Variants in HKDC1 observed in about 807,000 individuals in gnomAD.
HKDC1 encodes the protein hexokinase HKDC1.
A neutral mutation model predicts 96.6 loss-of-function variants in HKDC1; 66 were observed. The ratio of observed to expected loss-of-function variants is 0.68; its 90% CI spans 0.56 to 0.84. The LOEUF (loss-of-function observed/expected upper bound fraction) is 0.84, where lower values mean the gene tolerates loss of function less well. HKDC1 is among the 40% of genes least tolerant of loss of function. The pLI is 0.00. For synonymous variants in HKDC1, 466 were observed against 473.1 expected (o/e 0.98, Z 0.20); for missense variants, 1,211 against 1,208.1 (o/e 1.00, Z -0.04).
At chr10:69,254,389 T>A (rs552786583) in intron 12 of HKDC1, among the ~76,000 whole-genome samples, 1 of 152,352 alleles carries the variant, frequency 6.6e-6, no homozygotes, top group Admixed American at 6.5e-5. Context: ...GACTATTTTT[T>A]AAATGCACAC....
intron 12 of HKDC1, 140 bp from the exon 13 acceptor site, chr10:69,256,896 T>G: frequency 1.5e-6 from 1 of 666,120 alleles, no homozygotes; most frequent in Non-Finnish European, 2.8e-6. Context: ...AGGGTTAGGG[T>G]TGTGGAGGTG....
At position 69,250,446 on chromosome 10, in the gene HKDC1, G is replaced by A; in HGVS notation, c.1716+11G>A. On this transcript the variant is annotated intron_variant, in intron 11 of 17. Transcript: ENST00000354624. ...GGCACTGGTGAGGAGGTAAGTGCCA[G>A]GCAAGGCCTTTGGGCTCCGAGGTGC... 2 of 1,612,400 alleles carry A rather than the reference G, an allele frequency of 1.2e-6. No individual in the cohort carries two copies. The highest frequency in any genetic ancestry group is 1.7e-6 in the Non-Finnish European group (2 of 1,178,592).
rs140372000 is a variant in HKDC1, at chr10:69,243,241, G to A, written c.751G>A (p.Asp251Asn). ...DMSNIDLVEG[D>N]EGRMCINTEW... is the part of the protein sequence containing the mutation. ...GAGCAACATTGACCTGGTGGAGGGC[G>A]ACGAGGGCAGGATGTGCATCAACAC... The change falls in exon 7 of 18, where the codon GAC becomes AAC. Residue 251 changes from aspartate to asparagine, a missense_variant. Physicochemically the swap from Asp to Asn is conservative, Grantham distance 23. Coordinates refer to ENST00000354624, the MANE Select transcript of HKDC1 (RefSeq NM_025130.4). 3.7e-6 allele frequency: 6 copies of A among 1,614,106 alleles called. No homozygotes were observed. The African/African-American group carries it at 4.0e-5, about 11-fold the overall frequency.
rs1416192032 is a variant in HKDC1 at position 69,227,283 on chromosome 10, T to C, written c.140T>C (p.Met47Thr). The stretch of plus-strand genomic sequence containing the variant: ...ATCATGAGGCGGTTCCGGGCTGAGA[T>C]GGAGAAGGGCCTGGCAAAGGACACC... ...LDIMRRFRAE[M>T]EKGLAKDTNP... Residue 47 changes from methionine (M) to threonine (T), a missense_variant, in exon 2 of 18, where the codon ATG becomes ACG. Met to Thr is a moderately conservative substitution (Grantham distance 81, BLOSUM62 -1). Coordinates refer to ENST00000354624, the MANE Select transcript of HKDC1 (RefSeq NM_025130.4). The C allele has an allele frequency of 1.9e-6, 3 of 1,614,138 alleles. No homozygotes were observed. In the Admixed American group the frequency reaches 5.0e-5, roughly 27 times the overall value.
At chr10:69,257,683 C>T (rs541651772) in intron 14 of HKDC1, among the ~76,000 whole-genome samples, 62 of 145,918 alleles carry the variant, frequency 4.2e-4, no homozygotes, top group South Asian at 2.1e-3. Context: ...GGCCAATTGT[C>T]ATGGGGGGGG....
chr10:69,246,375 G>T (rs5030913), intron 8 of HKDC1, 141 bp downstream of exon 8: 188,166 of 868,302 alleles, frequency 0.22, 23,791 homozygotes, highest in Non-Finnish European at 0.26. Flanking sequence ...CATGGCTTCA[G>T]ATGGGTTAGC....
At chr10:69,228,355 A>G (rs1843195774) in intron 2 of HKDC1, among the ~76,000 whole-genome samples, 1 of 152,204 alleles carries the variant, frequency 6.6e-6, no homozygotes, top group Non-Finnish European at 1.5e-5. Context: ...CTTCAAGGTC[A>G]GCTGATGAGC....
In HKDC1 at chr10:69,266,879, AGAACCC is replaced by A. The variant is rs1413002620; in HGVS notation, c.*123_*128del. On this transcript the variant is annotated 3_prime_UTR_variant, in exon 18 of 18. Transcript: ENST00000354624. ...ACCTCACCTTCTGGATGGCCGAAAG[AGAACCC>A]CAGGTTCTCGGGTACTCTTAGTATC... is the stretch of plus-strand genomic sequence containing the variant. 49 of 942,992 alleles carry A rather than the reference AGAACCC, an allele frequency of 5.2e-5. No homozygotes were observed. Among genetic ancestry groups the A allele is most frequent in the Non-Finnish European group, 6.8e-5 (43 of 627,994 alleles). The allele number at this position is 942,992 out of a possible 1,614,324, so 58.4% of individuals were successfully genotyped here.
At chr10:69,250,142 C>A in intron 10 of HKDC1, 148 bp from the exon 11 acceptor site, 1 of 799,516 alleles carries the variant, frequency 1.3e-6, no homozygotes, top group Non-Finnish European at 1.9e-6. Context: ...GGCCCGGGCA[C>A]TGTGCAGGGT....
chr10:69,250,647 G>C lies in HKDC1; in HGVS notation c.1831G>C (p.Asp611His). 6.2e-7 allele frequency: 1 copy of C among 1,613,598 alleles called. No homozygotes were observed. The highest frequency in any genetic ancestry group is 8.5e-7 in the Non-Finnish European group (1 of 1,179,982). ...ATTTCCCTGCAGGCAGATGAGCATT[G>C]ACAAGGTAAGATAGCCCCACCAGGC... ...FSFPCRQMSI[D>H]KGTLIGWTKG... is the part of the protein sequence containing the mutation. Residue 611 changes from aspartate (D) to histidine (H), a missense_variant, in exon 12 of 18, where the codon GAC becomes CAC. Coordinates refer to ENST00000354624, the MANE Select transcript of HKDC1 (RefSeq NM_025130.4).
intron 4 of HKDC1, 57 bp downstream of exon 4, chr10:69,233,190 G>T: frequency 6.2e-7 from 1 of 1,607,104 alleles, no homozygotes; most frequent in Non-Finnish European, 8.5e-7. Context: ...ATGTGGGCAC[G>T]GGTGGGAGTC....
rs903283016 is a variant in HKDC1 at position 69,238,619 on chromosome 10, A to G, written c.496-423A>G. On this transcript the variant is annotated intron_variant, in intron 4 of 17. Coordinates refer to ENST00000354624, the MANE Select transcript of HKDC1 (RefSeq NM_025130.4). ...TCTCGATCTCCTGACCTCATGATCC[A>G]CCCGCCTCGGCCTCCCAAAGTGCTG... is the stretch of plus-strand genomic sequence containing the variant. Among the ~76,000 whole-genome samples the G allele has an allele frequency of 7.3e-5, 2 of 27,248 alleles. 1 individual carries two copies. Among genetic ancestry groups the G allele is most frequent in the South Asian group, 1.7e-3 (2 of 1,190 alleles). 17.9% of individuals were successfully genotyped at this position (27,248 alleles called of 152,430 possible). A position where few individuals can be genotyped will look rare whatever the true frequency, so the allele number is the denominator to read the frequency against.
intron 12 of HKDC1, among the ~76,000 whole-genome samples, chr10:69,253,875 C>T (rs1262605301): frequency 1.3e-5 from 2 of 152,204 alleles, no homozygotes; most frequent in Non-Finnish European, 2.9e-5. Context: ...TTCTGACAGA[C>T]TCTCATCAGC....
At chr10:69,236,070 C>A (rs924374476) in intron 4 of HKDC1, among the ~76,000 whole-genome samples, 6 of 152,062 alleles carry the variant, frequency 3.9e-5, no homozygotes, top group Admixed American at 2.6e-4. Flanking sequence ...CAGAAAGACA[C>A]CACTTTAGAA....
At chr10:69,259,525 T>G (rs1451187866) in intron 15 of HKDC1, among the ~76,000 whole-genome samples, 1 of 152,180 alleles carries the variant, frequency 6.6e-6, no homozygotes, top group Non-Finnish European at 1.5e-5. Flanking sequence ...TATGATATTA[T>G]GAGAGAAAGG....
chr10:69,255,138 C>A (rs546708663), intron 12 of HKDC1, among the ~76,000 whole-genome samples: 39 of 152,362 alleles, frequency 2.6e-4, no homozygotes, highest in African/African-American at 9.1e-4. Context: ...GGCCTCTCTC[C>A]CAGCAGCTCT....
chr10:69,223,741 C>T (rs959062393), intron 1 of HKDC1, among the ~76,000 whole-genome samples: 4 of 150,562 alleles, frequency 2.7e-5, no homozygotes, highest in East Asian at 2.0e-4. Context: ...CGCACCACCA[C>T]GCCCAGCTAA....
Position 69,247,382 on chromosome 10 carries a change from A to T in HKDC1, c.1054A>T (p.Thr352Ser). The change falls in exon 9 of 18, where the codon ACA becomes TCA. Residue 352 changes from threonine to serine, a missense_variant. By Grantham distance (58) the Thr-to-Ser change is moderately conservative. Transcript: ENST00000354624. Reference sequence around the variant, plus strand: ...CAGGTATAAAGAAGGCCTTGCTAATACAAGAGAGATCCTGGTGGACCTGGG... The same window carrying T: ...CAGGTATAAAGAAGGCCTTGCTAATTCAAGAGAGATCCTGGTGGACCTGGG... Reference protein sequence around the residue: ...MEKYKEGLANTREILVDLGLE... With the variant: ...MEKYKEGLANSREILVDLGLE... 1 of 1,614,024 alleles carries T rather than the reference A, an allele frequency of 6.2e-7. No homozygotes were observed.
intron 6 of HKDC1, among the ~76,000 whole-genome samples, chr10:69,242,765 A>G (rs1843473631): frequency 6.6e-6 from 1 of 152,254 alleles, no homozygotes; most frequent in Non-Finnish European, 1.5e-5. Flanking sequence ...GGCCATAAGT[A>G]AAGAATATTT....
Sources: gnomAD v4.1 joint callset for allele counts (sites outside exome capture counted in the v4.1 genomes callset) on GRCh38, gnomAD v4.1.1 for gene constraint, MANE v1.5 for transcripts, NCBI Gene and HGNC (gene_info 2026-07-23, HGNC 2026-07-21) for gene names.